FBXL13: variants seen among roughly 807,000 people sequenced by gnomAD.
FBXL13 encodes the protein F-box and leucine rich repeat protein 13.
Under a neutral mutation model 83.6 loss-of-function variants are expected in FBXL13, and 67 were observed. That is an observed-to-expected ratio of 0.80 (90% confidence interval 0.66 to 0.98). The LOEUF (loss-of-function observed/expected upper bound fraction) is 0.98. FBXL13 is among the 50% of genes least tolerant of loss of function. The pLI, the probability that FBXL13 is intolerant of heterozygous loss-of-function variation, is 0.00. For missense variants in FBXL13, 822 were observed against 866.5 expected, an observed-to-expected ratio of 0.95 and a Z score of 0.64; for synonymous variants, 272 against 299.5, an observed-to-expected ratio of 0.91 and a Z score of 0.95.
chr7:102,978,188 T>C (rs905358862), intron 6 of FBXL13, among the ~76,000 whole-genome samples: 1 of 152,200 alleles, frequency 6.6e-6, no homozygotes, highest in African/African-American at 2.4e-5. Context: ...GATACTAACC[T>C]GTCTCTCAAG....
intron 8 of FBXL13, among the ~76,000 whole-genome samples, chr7:102,960,979 G>C (rs911413396): frequency 2.0e-5 from 3 of 151,288 alleles, no homozygotes; most frequent in African/African-American, 7.3e-5. Flanking sequence ...TGGAAGTTCT[G>C]GCCAGGGCAA....
chr7:102,861,336 G>A (rs1584673079), intron 16 of FBXL13, among the ~76,000 whole-genome samples: 1 of 151,280 alleles, frequency 6.6e-6, no homozygotes, highest in East Asian at 1.9e-4. Context: ...TTTTTTTAAG[G>A]GTCTAGGCCA....
intron 6 of FBXL13, among the ~76,000 whole-genome samples, chr7:103,001,527 C>T (rs1790403299): frequency 6.6e-6 from 1 of 152,062 alleles, no homozygotes; most frequent in African/African-American, 2.4e-5. Context: ...GAGAGTGTTG[C>T]CAGGGGAGAT....
intron 8 of FBXL13, among the ~76,000 whole-genome samples, chr7:102,958,560 AT>A (rs1379105165): frequency 1.4e-4 from 20 of 143,354 alleles, no homozygotes; most frequent in East Asian, 6.1e-4. Context: ...AATAATAATA[AT>A]AATAATAAAA....
chr7:103,028,752 C>T lies in FBXL13; in HGVS notation c.69-4G>A, dbSNP rs769882884. Reference sequence around the variant, plus strand: ...ACGAGCTATGTCTCTCCAAGTGCTGCAGGCAGAAGACATTTTTTAAAAAAT... The same window carrying T: ...ACGAGCTATGTCTCTCCAAGTGCTGTAGGCAGAAGACATTTTTTAAAAAAT... On this transcript the variant is annotated splice_polypyrimidine_tract_variant and splice_region_variant and intron_variant, in intron 3 of 19. Coordinates refer to ENST00000313221, the Ensembl canonical transcript of FBXL13. 3.2e-6 allele frequency: 5 copies of T among 1,542,294 alleles called. No homozygotes were observed. The East Asian group carries it at 1.2e-4, about 36-fold the overall frequency.
At chr7:103,051,630 C>T (rs189928309) in intron 2 of FBXL13, among the ~76,000 whole-genome samples, 50 of 152,182 alleles carry the variant, frequency 3.3e-4, no homozygotes, top group African/African-American at 1.2e-3. Flanking sequence ...AAACTTTAGC[C>T]GAATTAAATT....
Position 102,813,514 on chromosome 7 carries a change from A to AT in FBXL13, c.2035dup (p.Met679AsnfsTer4). 6.2e-7 allele frequency: 1 copy of AT among 1,613,934 alleles called. No homozygotes were observed. Among genetic ancestry groups the AT allele is most frequent in the Non-Finnish European group, 8.5e-7 (1 of 1,179,930 alleles). On this transcript the variant is annotated frameshift_variant, in exon 20 of 20. Transcript: ENST00000313221. LOFTEE classifies it low-confidence loss of function (END_TRUNC). ...TTCCTGCTGCTGAACTTTAGATGACATTCTTTGAGCTGCCTTCCTGTAATA... is the reference window on the plus strand; with the variant it reads ...TTCCTGCTGCTGAACTTTAGATGACATTTCTTTGAGCTGCCTTCCTGTAATA...
At chr7:102,873,313 G>GTCCCT (rs1424401329) in intron 16 of FBXL13, among the ~76,000 whole-genome samples, 3 of 152,088 alleles carry the variant, frequency 2.0e-5, no homozygotes, top group South Asian at 4.2e-4. Flanking sequence ...ACTGTGTAAG[G>GTCCCT]GACACAGCTC....
At chr7:103,061,640 T>C (rs146474414) in intron 1 of FBXL13, among the ~76,000 whole-genome samples, 4 of 151,864 alleles carry the variant, frequency 2.6e-5, no homozygotes, top group African/African-American at 9.7e-5. Flanking sequence ...GCAATTAGTC[T>C]CTTAAAAAAA....
intron 14 of FBXL13, among the ~76,000 whole-genome samples, chr7:102,882,903 TCA>T (rs1208768328): frequency 6.6e-6 from 1 of 152,152 alleles, no homozygotes; most frequent in Non-Finnish European, 1.5e-5. Context: ...CAGAAATTCT[TCA>T]CAGAGGAAAA....
At chr7:102,944,377 A>C (rs765651560) in intron 8 of FBXL13, 2 of 1,614,112 alleles carry the variant, frequency 1.2e-6, no homozygotes, top group Non-Finnish European at 1.7e-6. Context: ...CTACTGGTTA[A>C]AGCACCACTA....
At chr7:103,017,438 G>A (rs1792493153) in intron 6 of FBXL13, among the ~76,000 whole-genome samples, 1 of 152,342 alleles carries the variant, frequency 6.6e-6, no homozygotes, top group East Asian at 1.9e-4. Flanking sequence ...CCAAAGGAAT[G>A]CAGCTCCTCG....
In FBXL13 at chr7:103,024,857, AT is replaced by A. The variant is rs1209398568; in HGVS notation, c.495+205del. On this transcript the variant is annotated intron_variant, in intron 6 of 19. Transcript: ENST00000313221. The stretch of plus-strand genomic sequence containing the variant: ...TGTATATATATATATATATATATAT[AT>A]TTTTTTTTTTTTTTTTTTTGAGATG... 6.5e-3 allele frequency among the ~76,000 whole-genome samples: 407 copies of A among 62,836 alleles called. 3 individuals carry two copies. The highest frequency in any genetic ancestry group is 7.9e-3 in the Non-Finnish European group (316 of 39,908). 41.2% of individuals were successfully genotyped at this position (62,836 alleles called of 152,430 possible). A position where few individuals can be genotyped will look rare whatever the true frequency, so the allele number is the denominator to read the frequency against.
intron 10 of FBXL13, among the ~76,000 whole-genome samples, chr7:102,922,205 TTAAA>T (rs1292411876): frequency 3.3e-5 from 5 of 149,614 alleles, no homozygotes; most frequent in Admixed American, 6.6e-5. Flanking sequence ...AAAAAAAAAA[TTAAA>T]TAAATAAATA....
In FBXL13 at chr7:103,070,672, C is replaced by T. The variant is rs148140587; in HGVS notation, c.-105+3574G>A. On this transcript the variant is annotated intron_variant, in intron 1 of 19. Coordinates refer to ENST00000313221, the Ensembl canonical transcript of FBXL13. ...GTGCCAGCATCTGCTCGGCTTCTGG[C>T]GAAGGCCTCAGGAAGCTTTTACTCA... Among the ~76,000 whole-genome samples the T allele has an allele frequency of 4.8e-3, 730 of 152,250 alleles. 6 individuals carry two copies. Among genetic ancestry groups the T allele is most frequent in the African/African-American group, 0.017 (690 of 41,512 alleles).
exon 10 of FBXL13, chr7:102,926,355 A>T (rs1259826026): frequency 6.2e-7 from 1 of 1,613,668 alleles, no homozygotes; most frequent in Admixed American, 1.7e-5. Flanking sequence ...GCCCTCAGAA[A>T]TGTGTCTCAT....
At chr7:103,056,547 C>T (rs796957734) in intron 1 of FBXL13, among the ~76,000 whole-genome samples, 31 of 152,224 alleles carry the variant, frequency 2.0e-4, no homozygotes, top group African/African-American at 7.5e-4. Context: ...CAACCTCCAC[C>T]TCCTGGGTTC....
intron 11 of FBXL13, among the ~76,000 whole-genome samples, chr7:102,892,445 T>C (rs1177010851): frequency 2.6e-5 from 4 of 152,238 alleles, no homozygotes; most frequent in Non-Finnish European, 4.4e-5. Flanking sequence ...TTACAAGATA[T>C]ATAAAAATGT....
At chr7:102,850,161 A>G (rs2129450880) in intron 17 of FBXL13, among the ~76,000 whole-genome samples, 1 of 152,318 alleles carries the variant, frequency 6.6e-6, no homozygotes, top group East Asian at 1.9e-4. Flanking sequence ...TAGTTACCAA[A>G]TGGGTAAATG....
Sources: gnomAD v4.1 joint callset for allele counts (sites outside exome capture counted in the v4.1 genomes callset) on GRCh38, gnomAD v4.1.1 for gene constraint, MANE v1.5 for transcripts, NCBI Gene and HGNC (gene_info 2026-07-23, HGNC 2026-07-21) for gene names.